ADGRV1: variants seen among roughly 807,000 people sequenced by gnomAD.
ADGRV1 encodes the protein adhesion G protein-coupled receptor V1.
Under a neutral mutation model 596.2 loss-of-function variants are expected in ADGRV1, and 359 were observed. That is an observed-to-expected ratio of 0.60 (90% CI 0.55 to 0.66). The LOEUF is 0.66. Among genes scored for constraint, ADGRV1 ranks in the 30% least tolerant of loss-of-function variants. The pLI, the probability that ADGRV1 is intolerant of heterozygous loss-of-function variation, is 0.00. For synonymous variants in ADGRV1, 2,681 were observed against 2,679.2 expected, an observed-to-expected ratio of 1.00 and a Z score of -0.02; for missense variants, 7,274 against 7,575.6, an observed-to-expected ratio of 0.96 and a Z score of 1.48.
At chr5:90,984,572 A>G (rs1780333664) in intron 84 of ADGRV1, among the ~76,000 whole-genome samples, 1 of 152,188 alleles carries the variant, frequency 6.6e-6, no homozygotes, top group South Asian at 2.1e-4. Context: ...TGTGATGTAA[A>G]TATAATATAA....
At chr5:91,005,498 G>A (rs902210327) in intron 85 of ADGRV1, among the ~76,000 whole-genome samples, 7 of 151,914 alleles carry the variant, frequency 4.6e-5, no homozygotes, top group Non-Finnish European at 1.0e-4. Flanking sequence ...CACCATGCCC[G>A]GCTAATTTCT....
intron 83 of ADGRV1, among the ~76,000 whole-genome samples, chr5:90,937,531 C>T (rs888941535): frequency 6.7e-6 from 1 of 150,162 alleles, no homozygotes; most frequent in Non-Finnish European, 1.5e-5. Context: ...GATCGCGGCT[C>T]ACTGCAAGCT....
rs372596864 is a variant in ADGRV1, at chr5:90,686,035, T to C, written c.6490+40T>C. 1.7e-4 allele frequency: 225 copies of C among 1,342,054 alleles called. 1 individual carries two copies. The highest frequency in any genetic ancestry group is 8.0e-4 in the South Asian group (48 of 59,800). The allele number at this position is 1,342,054 out of a possible 1,614,324, so 83.1% of individuals were successfully genotyped here. On this transcript the variant is annotated intron_variant, in intron 29 of 89. Coordinates refer to ENST00000405460, the MANE Select transcript of ADGRV1 (RefSeq NM_032119.4). ...CTAAAAAGCAGTACATACAGAGGGA[T>C]GTAAGCACAGAGGGACATGTATCCT...
chr5:90,897,695 G>C (rs1771464969), intron 83 of ADGRV1, among the ~76,000 whole-genome samples: 1 of 152,132 alleles, frequency 6.6e-6, no homozygotes, highest in Admixed American at 6.6e-5. Flanking sequence ...TGGAAACCTA[G>C]ATCTTCCTTT....
chr5:90,614,805 G>C, intron 1 of ADGRV1, 30 bp from the exon 2 acceptor site: 1 of 1,444,672 alleles, frequency 6.9e-7, no homozygotes. Context: ...GATATATTTT[G>C]TGAATAATAT....
At chr5:90,877,034 T>C (rs1769279692) in intron 83 of ADGRV1, among the ~76,000 whole-genome samples, 1 of 152,170 alleles carries the variant, frequency 6.6e-6, no homozygotes, top group Non-Finnish European at 1.5e-5. Flanking sequence ...CTGTACAGCA[T>C]ATAGTGGGAA....
At chr5:91,006,447 C>T (rs1782283162) in intron 85 of ADGRV1, among the ~76,000 whole-genome samples, 1 of 152,100 alleles carries the variant, frequency 6.6e-6, no homozygotes, top group Non-Finnish European at 1.5e-5. Flanking sequence ...AATAAAGTAA[C>T]TTTATTATTA....
intron 85 of ADGRV1, among the ~76,000 whole-genome samples, chr5:91,011,880 TTC>T (rs778656109): frequency 6.6e-6 from 1 of 151,916 alleles, no homozygotes; most frequent in East Asian, 1.9e-4. Context: ...ACCAAAACAC[TTC>T]TCCCTGGGAA....
intron 70 of ADGRV1, among the ~76,000 whole-genome samples, chr5:90,798,661 G>A (rs968140632): frequency 6.6e-6 from 1 of 152,080 alleles, no homozygotes; most frequent in Admixed American, 6.5e-5. Context: ...GATGAACATC[G>A]ATGAGAAAAT....
intron 87 of ADGRV1, among the ~76,000 whole-genome samples, chr5:91,140,751 C>G (rs1195008691): frequency 6.6e-6 from 1 of 152,192 alleles, no homozygotes; most frequent in Non-Finnish European, 1.5e-5. Flanking sequence ...TTCTTGTAAT[C>G]TGTTAAAAAC....
At chr5:90,994,727 A>G (rs998735451) in intron 85 of ADGRV1, among the ~76,000 whole-genome samples, 66 of 152,146 alleles carry the variant, frequency 4.3e-4, no homozygotes, top group African/African-American at 1.5e-3. Flanking sequence ...AGTAGTTGCT[A>G]TTTATTGACT....
chr5:90,994,169 TCTC>T (rs1307880116), intron 85 of ADGRV1, among the ~76,000 whole-genome samples: 1 of 151,960 alleles, frequency 6.6e-6, no homozygotes, highest in Non-Finnish European at 1.5e-5. Flanking sequence ...TTTGAGCAAT[TCTC>T]CTGCCTCCGC....
chr5:91,051,695 C>A (rs975960091), intron 85 of ADGRV1, among the ~76,000 whole-genome samples: 1 of 151,794 alleles, frequency 6.6e-6, no homozygotes, highest in African/African-American at 2.4e-5. Context: ...CACAGGTGCC[C>A]GCCACCATGC....
intron 47 of ADGRV1, 61 bp downstream of exon 47, chr5:90,725,293 A>C (rs1352302419): frequency 1.9e-6 from 2 of 1,063,686 alleles, no homozygotes; most frequent in South Asian, 1.9e-5. Flanking sequence ...GATTTGTAAG[A>C]TTGTTCAAAT....
At chr5:90,782,454 A>G (rs1189462496) in intron 65 of ADGRV1, among the ~76,000 whole-genome samples, 3 of 152,086 alleles carry the variant, frequency 2.0e-5, no homozygotes, top group Non-Finnish European at 4.4e-5. Flanking sequence ...GTCAGTGTAT[A>G]TTTATATTTA....
intron 50 of ADGRV1, among the ~76,000 whole-genome samples, chr5:90,739,260 A>G (rs1173834404): frequency 6.6e-6 from 1 of 151,938 alleles, no homozygotes; most frequent in East Asian, 1.9e-4. Flanking sequence ...ACTTCAAGAG[A>G]ATTATTCTGA....
chr5:91,008,292 G>A (rs1203279826), intron 85 of ADGRV1, among the ~76,000 whole-genome samples: 2 of 152,046 alleles, frequency 1.3e-5, no homozygotes, highest in Non-Finnish European at 2.9e-5. Flanking sequence ...TTCTCCCAAC[G>A]TGGTAGCTTC....
At chr5:90,608,295 T>A (rs56926055) in intron 1 of ADGRV1, among the ~76,000 whole-genome samples, 3,079 of 152,126 alleles carry the variant, frequency 0.02, 93 homozygotes, top group African/African-American at 0.063. Flanking sequence ...CGTTTGAAGG[T>A]TATGAGTGGC....
At chr5:90,666,510 C>T (rs1223155576) in intron 21 of ADGRV1, among the ~76,000 whole-genome samples, 2 of 148,688 alleles carry the variant, frequency 1.3e-5, no homozygotes, top group Non-Finnish European at 3.0e-5. Context: ...ATGTGTGTCT[C>T]TGCACGTGAG....
Sources: allele counts gnomAD v4.1 joint callset (sites outside exome capture counted in the v4.1 genomes callset), GRCh38; gene constraint gnomAD v4.1.1; transcripts MANE v1.5; gene names NCBI Gene and HGNC (gene_info 2026-07-23, HGNC 2026-07-21).